Variants in PTPRN2 observed in about 807,000 individuals in gnomAD.
PTPRN2 encodes protein tyrosine phosphatase receptor type N2.
A neutral mutation model predicts 118.8 loss-of-function variants in PTPRN2; 74 were observed. The ratio of observed to expected loss-of-function variants is 0.62; its 90% CI spans 0.52 to 0.76. PTPRN2 has a LOEUF of 0.76. Among genes scored for constraint, PTPRN2 ranks in the 30% least tolerant of loss-of-function variants. The pLI is 0.00. For missense variants in PTPRN2, 1,481 were observed against 1,394.4 expected (o/e 1.06, Z -0.99); for synonymous variants, 641 against 608.0 (o/e 1.05, Z -0.80).
chr7:158,001,828 G>A (rs558202281), intron 11 of PTPRN2, among the ~76,000 whole-genome samples: 12 of 152,322 alleles, frequency 7.9e-5, no homozygotes, highest in East Asian at 7.7e-4. Context: ...GCCCTCACCC[G>A]GAACCGTGCC....
At position 157,590,966 on chromosome 7, in the gene PTPRN2, C is replaced by A. The variant is rs1800952259; in HGVS notation, c.2496+4272G>T. On this transcript the variant is annotated intron_variant, in intron 17 of 22. Coordinates refer to ENST00000389418, the MANE Select transcript of PTPRN2 (RefSeq NM_002847.5). The surrounding 1 kb of genome is among the most constrained non-coding windows in gnomAD (Gnocchi z 4.0). ...ATTGTACTGGGTAGAATCATGTACC[C>A]CCAAATCCATGTCCACCTGGAACCC... Among the ~76,000 whole-genome samples the A allele has an allele frequency of 6.6e-6, 1 of 152,098 alleles. No individual in the cohort carries two copies. The highest frequency in any genetic ancestry group is 2.4e-5 in the African/African-American group (1 of 41,428).
Position 157,676,874 on chromosome 7 carries a change from T to C in PTPRN2, c.2001+5851A>G, listed in dbSNP as rs998413213. On this transcript the variant is annotated intron_variant, in intron 13 of 22. Coordinates refer to ENST00000389418, the MANE Select transcript of PTPRN2 (RefSeq NM_002847.5). The surrounding 1 kb of genome is among the most constrained non-coding windows in gnomAD (Gnocchi z 5.6). ...GGTCACCCCAGGAGCGACCCTGGCT[T>C]TGACGAGAAGGAAGTGTTCTCTGGT... Among the ~76,000 whole-genome samples, 2 of 152,082 alleles carry C rather than the reference T, an allele frequency of 1.3e-5. No homozygotes were observed. The highest frequency in any genetic ancestry group is 2.9e-5 in the Non-Finnish European group (2 of 68,002).
At chr7:158,456,497 C>T (rs1216418329) in intron 2 of PTPRN2, among the ~76,000 whole-genome samples, 1 of 146,490 alleles carries the variant, frequency 6.8e-6, no homozygotes, top group South Asian at 2.3e-4. Flanking sequence ...CTGCAGAGAA[C>T]ATAACGGCAC....
At chr7:158,012,391 C>T (rs1806114987) in intron 11 of PTPRN2, among the ~76,000 whole-genome samples, 2 of 152,148 alleles carry the variant, frequency 1.3e-5, no homozygotes, top group African/African-American at 2.4e-5. Flanking sequence ...AGAAAAAATC[C>T]ATAGTGTTTA....
chr7:158,171,115 C>CATATATATAT (rs1823542368), intron 5 of PTPRN2, among the ~76,000 whole-genome samples: 1 of 88,868 alleles, frequency 1.1e-5, no homozygotes, highest in Non-Finnish European at 2.0e-5. Flanking sequence ...CATATATATA[C>CATATATATAT]ACACATATAT....
intron 17 of PTPRN2, among the ~76,000 whole-genome samples, 192 bp downstream of exon 17, chr7:157,595,046 T>C (rs973428277): frequency 1.3e-5 from 2 of 152,258 alleles, no homozygotes; most frequent in Admixed American, 1.3e-4. Context: ...AGGGAATTTT[T>C]TCATACTCAA....
chr7:157,912,135 C>A (rs1350810755), intron 11 of PTPRN2, among the ~76,000 whole-genome samples: 2 of 152,226 alleles, frequency 1.3e-5, no homozygotes, highest in Non-Finnish European at 2.9e-5. Flanking sequence ...GGGATTCTAT[C>A]AATTTACACT....
chr7:157,794,101 C>T lies in PTPRN2; in HGVS notation c.1788+104572G>A, dbSNP rs896340136. On this transcript the variant is annotated intron_variant, in intron 12 of 22. Coordinates refer to ENST00000389418, the MANE Select transcript of PTPRN2 (RefSeq NM_002847.5). This position sits in a 1 kb window ranked among gnomAD's most constrained non-coding sequence, Gnocchi z 5.2. ...GGGAGGGGGCCGCCTGTGTCTCGCC[C>T]CTCATTCTCTGCTCTGACCCGGGCT... 6.6e-6 allele frequency among the ~76,000 whole-genome samples: 1 copy of T among 151,854 alleles called. No individual in the cohort carries two copies.
intron 2 of PTPRN2, among the ~76,000 whole-genome samples, chr7:158,417,305 T>G (rs1055281191): frequency 2.0e-5 from 3 of 151,502 alleles, no homozygotes; most frequent in Admixed American, 2.0e-4. Flanking sequence ...CCCACTGTGT[T>G]AAGTCATGGT....
chr7:158,104,855 T>A (rs1306470058), intron 10 of PTPRN2, among the ~76,000 whole-genome samples: 9 of 108,822 alleles, frequency 8.3e-5, no homozygotes, highest in South Asian at 6.5e-4. Flanking sequence ...CCTCAGCTCC[T>A]TCCCAACTCT....
intron 2 of PTPRN2, among the ~76,000 whole-genome samples, chr7:158,336,340 C>T (rs796723996): frequency 1.9e-3 from 152 of 81,276 alleles, no homozygotes; most frequent in African/African-American, 6.6e-3. Context: ...CACCTGCAGA[C>T]GTCACTCACA....
chr7:158,062,677 G>A (rs1254256241), intron 11 of PTPRN2, among the ~76,000 whole-genome samples: 2 of 152,210 alleles, frequency 1.3e-5, no homozygotes, highest in Non-Finnish European at 2.9e-5. Flanking sequence ...CTGCCAGCCA[G>A]CGCTGCTGGC....
intron 12 of PTPRN2, chr7:157,856,089 C>T (rs969486216): frequency 7.2e-5 from 11 of 152,230 alleles, no homozygotes; most frequent in African/African-American, 2.7e-4. Context: ...TCTGCAAAGG[C>T]CTTGTCCTCC....
intron 11 of PTPRN2, among the ~76,000 whole-genome samples, chr7:157,936,806 A>C (rs1268730205): frequency 6.6e-6 from 1 of 152,134 alleles, no homozygotes; most frequent in Non-Finnish European, 1.5e-5. Flanking sequence ...GAGGCTCCTC[A>C]TGCCCTCTGG....
At chr7:158,524,874 G>C (rs1554524907) in intron 1 of PTPRN2, among the ~76,000 whole-genome samples, 9 of 152,124 alleles carry the variant, frequency 5.9e-5, no homozygotes, top group Non-Finnish European at 2.9e-5. Context: ...TCCATATTTG[G>C]TTGGAAAGAT....
intron 2 of PTPRN2, among the ~76,000 whole-genome samples, chr7:158,367,214 G>C (rs6459870): frequency 0.87 from 132,855 of 152,240 alleles, 58,783 homozygotes; most frequent in Non-Finnish European, 0.94. Flanking sequence ...TGCTGCTACG[G>C]CAGCTGAATT....
chr7:158,135,392 T>C (rs1284796860), intron 8 of PTPRN2, among the ~76,000 whole-genome samples: 1 of 152,158 alleles, frequency 6.6e-6, no homozygotes, highest in Non-Finnish European at 1.5e-5. Flanking sequence ...TAAACAGAGC[T>C]AGGAAAAAGC....
chr7:158,344,187 T>C (rs946300856), intron 2 of PTPRN2, among the ~76,000 whole-genome samples: 4 of 152,024 alleles, frequency 2.6e-5, no homozygotes, highest in Non-Finnish European at 5.9e-5. Flanking sequence ...ACCCAAGAGA[T>C]ACCCAGGACA....
At chr7:158,338,284 C>T (rs1423669465) in intron 2 of PTPRN2, among the ~76,000 whole-genome samples, 2 of 72,038 alleles carry the variant, frequency 2.8e-5, no homozygotes, top group African/African-American at 1.3e-4. Context: ...AGCGCTGACA[C>T]CTGCTGACGT....
Sources: allele counts gnomAD v4.1 joint callset (sites outside exome capture counted in the v4.1 genomes callset), GRCh38; gene constraint gnomAD v4.1.1; non-coding constraint Gnocchi (gnomAD v3.1); transcripts MANE v1.5; gene names NCBI Gene and HGNC (gene_info 2026-07-23, HGNC 2026-07-21).